Variants in WDFY3 observed in about 807,000 individuals in gnomAD.
WDFY3 encodes WD repeat and FYVE domain-containing protein 3.
A neutral mutation model predicts 409.6 loss-of-function variants in WDFY3; 66 were observed. The ratio of observed to expected loss-of-function variants is 0.16; its 90% CI spans 0.13 to 0.20. The LOEUF is 0.20. WDFY3 is among the 10% of genes least tolerant of loss of function. The probability of loss-of-function intolerance (pLI) is 1.00; values close to 1 mark genes in which losing one functional copy is unlikely to be tolerated. For synonymous variants in WDFY3, 1,521 were observed against 1,537.1 expected (o/e 0.99, Z 0.25); for missense variants, 3,031 against 4,298.1 (o/e 0.71, Z 8.24).
At chr4:84,924,582 G>A (rs186775284) in intron 2 of WDFY3, among the ~76,000 whole-genome samples, 15 of 152,286 alleles carry the variant, frequency 9.8e-5, no homozygotes, top group East Asian at 5.8e-4. Context: ...TTGAGAATAA[G>A]AGAAGTTAAG....
At chr4:84,957,699 A>C (rs1479336062) in intron 1 of WDFY3, among the ~76,000 whole-genome samples, 1 of 152,210 alleles carries the variant, frequency 6.6e-6, no homozygotes, top group Admixed American at 6.5e-5. Context: ...AAAGCCCTGC[A>C]CCACTGCAGT....
chr4:84,957,271 A>C (rs370791017), intron 1 of WDFY3, among the ~76,000 whole-genome samples: 43 of 151,784 alleles, frequency 2.8e-4, no homozygotes, highest in Middle Eastern at 3.2e-3. Context: ...AAAAAAAAAA[A>C]AAAACAAAAC....
intron 2 of WDFY3, among the ~76,000 whole-genome samples, chr4:84,902,139 T>C (rs892102132): frequency 1.3e-5 from 2 of 152,182 alleles, no homozygotes; most frequent in Non-Finnish European, 2.9e-5. Flanking sequence ...TTATATTCCA[T>C]ACACACACTG....
chr4:84,683,927 C>T lies in WDFY3; in HGVS notation c.9726+16G>A. 1 of 1,565,326 alleles carries T rather than the reference C, an allele frequency of 6.4e-7. No individual in the cohort carries two copies. Among genetic ancestry groups the T allele is most frequent in the Non-Finnish European group, 8.7e-7 (1 of 1,146,646 alleles). ...ATGACAAATATCCTAATGAGTTTTT[C>T]TCTCAGTTCACTTACCCGAACCACT... On this transcript the variant is annotated intron_variant, in intron 63 of 67. Coordinates refer to ENST00000295888, the MANE Select transcript of WDFY3 (RefSeq NM_014991.6).
intron 30 of WDFY3, among the ~76,000 whole-genome samples, chr4:84,771,347 A>G (rs1744648383): frequency 6.6e-6 from 1 of 152,196 alleles, no homozygotes; most frequent in Non-Finnish European, 1.5e-5. Context: ...CATGTTGCCC[A>G]GTCTGGTCTT....
At chr4:84,692,583 T>A (rs893037562) in intron 59 of WDFY3, among the ~76,000 whole-genome samples, 4 of 152,164 alleles carry the variant, frequency 2.6e-5, no homozygotes, top group African/African-American at 9.7e-5. Context: ...ATTTTTTTTA[T>A]CTATAAAGTT....
At chr4:84,930,181 C>T (rs1173039936) in intron 2 of WDFY3, among the ~76,000 whole-genome samples, 1 of 152,158 alleles carries the variant, frequency 6.6e-6, no homozygotes, top group African/African-American at 2.4e-5. Context: ...ATAGATAACA[C>T]ACATATACTT....
Position 84,821,256 on chromosome 4 carries a change from G to A in WDFY3, c.1419C>T (p.Ser473=). Residue 473 remains serine (S), a synonymous_variant, in exon 11 of 68, where the codon AGC becomes AGT. Transcript: ENST00000295888. ...LISVSILLKS[S]SSYHCSIIAM... The stretch of plus-strand genomic sequence containing the variant: ...CAATAATGCTACAGTGATAAGAAGA[G>A]CTAGATTTTAAGAGGATACTGACAC... The A allele has an allele frequency of 6.2e-7, 1 of 1,613,736 alleles. No homozygotes were observed. Among genetic ancestry groups the A allele is most frequent in the Non-Finnish European group, 8.5e-7 (1 of 1,179,806 alleles).
chr4:84,754,513 C>T (rs1741097411), intron 34 of WDFY3, among the ~76,000 whole-genome samples: 1 of 152,114 alleles, frequency 6.6e-6, no homozygotes, highest in Non-Finnish European at 1.5e-5. Flanking sequence ...ATAGTTTTGA[C>T]TGAAATTAGA....
chr4:84,925,949 A>C (rs1480902865), intron 2 of WDFY3, among the ~76,000 whole-genome samples: 1 of 151,740 alleles, frequency 6.6e-6, no homozygotes, highest in Non-Finnish European at 1.5e-5. Flanking sequence ...TGCATGTTTA[A>C]ATTTTTCAAA....
At chr4:84,890,341 C>G (rs766422645) in intron 3 of WDFY3, among the ~76,000 whole-genome samples, 1 of 152,160 alleles carries the variant, frequency 6.6e-6, no homozygotes, top group Non-Finnish European at 1.5e-5. Context: ...CTCAAGATAT[C>G]CACCTGCCTT....
chr4:84,846,936 A>G (rs1283045455), intron 5 of WDFY3, among the ~76,000 whole-genome samples: 1 of 151,960 alleles, frequency 6.6e-6, no homozygotes, highest in Non-Finnish European at 1.5e-5. Flanking sequence ...TAAATAAGCA[A>G]CTACACAGAG....
chr4:84,704,384 T>C lies in WDFY3; in HGVS notation c.8396A>G (p.Tyr2799Cys). 6.2e-7 allele frequency: 1 copy of C among 1,613,288 alleles called. No homozygotes were observed. The highest frequency in any genetic ancestry group is 8.5e-7 in the Non-Finnish European group (1 of 1,179,622). Residue 2799 changes from tyrosine to cysteine, a missense_variant, in exon 55 of 68, where the codon TAC becomes TGC. Physicochemically the swap from Tyr to Cys is radical, Grantham distance 194. This residue lies in a region of WDFY3 where 129 missense variants were observed against 305.3 expected (regional missense o/e 0.42). Coordinates refer to ENST00000295888, the MANE Select transcript of WDFY3 (RefSeq NM_014991.6). Reference sequence around the variant, plus strand: ...TGTGAAAGGCTCCATCCTTACAAGGTATGAGGCCACAATCATTGCAGATGA... The same window carrying C: ...TGTGAAAGGCTCCATCCTTACAAGGCATGAGGCCACAATCATTGCAGATGA... ...HYSSAMIVAS[Y>C]LVRMEPFTQI...
intron 1 of WDFY3, among the ~76,000 whole-genome samples, chr4:84,941,344 A>G (rs1415292307): frequency 6.6e-6 from 1 of 152,052 alleles, no homozygotes; most frequent in Non-Finnish European, 1.5e-5. Context: ...GAAACAACTA[A>G]AAGTTATAGA....
At chr4:84,819,620 TA>T (rs1374484487) in intron 12 of WDFY3, among the ~76,000 whole-genome samples, 2 of 152,066 alleles carry the variant, frequency 1.3e-5, no homozygotes, top group East Asian at 1.9e-4. Context: ...AGACCAAAAT[TA>T]AACAAAATAT....
rs1213654382 is a variant in WDFY3, at chr4:84,801,696, T to C, written c.2776A>G (p.Met926Val). 1 of 1,612,472 alleles carries C rather than the reference T, an allele frequency of 6.2e-7. No individual in the cohort carries two copies. Residue 926 changes from methionine to valine, a missense_variant, in exon 17 of 68, where the codon ATG becomes GTG. Coordinates refer to ENST00000295888, the MANE Select transcript of WDFY3 (RefSeq NM_014991.6). ...DHSLHPPLQR[M>V]FERLASQALE... Reference sequence around the variant, plus strand: ...GCCTGAGAGGCTAATCGTTCAAACATCCGCTGCAGGGGCGGGTGCAGTGAG... The same window carrying C: ...GCCTGAGAGGCTAATCGTTCAAACACCCGCTGCAGGGGCGGGTGCAGTGAG...
At chr4:84,831,347 A>G (rs1755708412) in intron 8 of WDFY3, 66 bp downstream of exon 8, 3 of 1,152,766 alleles carry the variant, frequency 2.6e-6, no homozygotes, top group Non-Finnish European at 3.5e-6. Flanking sequence ...ATAAAAATAA[A>G]TCTATTATTA....
intron 21 of WDFY3, 79 bp from the exon 22 acceptor site, chr4:84,789,986 T>C (rs1748223844): frequency 6.9e-7 from 1 of 1,441,214 alleles, no homozygotes; most frequent in Non-Finnish European, 9.5e-7. Context: ...GATCAGCATG[T>C]TTTGACTTTA....
intron 8 of WDFY3, among the ~76,000 whole-genome samples, chr4:84,829,758 G>A (rs1304145307): frequency 6.6e-6 from 1 of 151,080 alleles, no homozygotes; most frequent in Non-Finnish European, 1.5e-5. Context: ...AGTGAGCCAA[G>A]ATCACGCCAC....
Sources: allele counts gnomAD v4.1 joint callset (sites outside exome capture counted in the v4.1 genomes callset), GRCh38; gene constraint gnomAD v4.1.1; regional missense constraint gnomAD v4.1.1; transcripts MANE v1.5; gene names NCBI Gene and HGNC (gene_info 2026-07-23, HGNC 2026-07-21).